The following ALK variants were observed in gnomAD, a reference collection of about 807,000 sequenced individuals.
The protein encoded by ALK is ALK receptor tyrosine kinase.
ALK carries 74 observed loss-of-function variants against 163.1 expected under a neutral mutation model. That is an observed-to-expected ratio of 0.45 (90% CI 0.38 to 0.55). ALK has a LOEUF of 0.55. Among genes scored for constraint, ALK ranks in the 20% least tolerant of loss-of-function variants. The pLI is 0.00. For synonymous variants in ALK, 960 were observed against 843.2 expected (o/e 1.14, Z -2.40); for missense variants, 2,063 against 2,105.3 (o/e 0.98, Z 0.39).
intron 11 of ALK, among the ~76,000 whole-genome samples, chr2:29,261,914 C>A (rs934972980): frequency 1.3e-5 from 2 of 152,126 alleles, no homozygotes; most frequent in African/African-American, 4.8e-5. Context: ...CTTTATGTCA[C>A]AGTTTTGGAA....
chr2:29,743,960 T>G (rs1006665215), intron 1 of ALK, among the ~76,000 whole-genome samples: 1 of 151,798 alleles, frequency 6.6e-6, no homozygotes, highest in African/African-American at 2.4e-5. Context: ...AAAAAAATGC[T>G]TAGACCATGT....
At chr2:29,838,384 A>G (rs4494694) in intron 1 of ALK, among the ~76,000 whole-genome samples, 140,117 of 152,116 alleles carry the variant, frequency 0.92, 64,693 homozygotes, top group East Asian at 1. Flanking sequence ...TGAAACCCAC[A>G]CATGATAAAT....
intron 3 of ALK, among the ~76,000 whole-genome samples, chr2:29,640,618 T>C (rs954349189): frequency 2.6e-5 from 4 of 152,194 alleles, no homozygotes; most frequent in African/African-American, 7.2e-5. Context: ...CCTCTTTTCT[T>C]ATAAATTATC....
At chr2:29,549,158 A>ACACACACG (rs776307804) in intron 3 of ALK, among the ~76,000 whole-genome samples, 1 of 148,806 alleles carries the variant, frequency 6.7e-6, no homozygotes, top group Non-Finnish European at 1.5e-5. Flanking sequence ...ACACACACAC[A>ACACACACG]CACGCACACA....
intron 1 of ALK, among the ~76,000 whole-genome samples, chr2:29,878,801 T>C (rs1223031876): frequency 1.3e-5 from 2 of 152,114 alleles, no homozygotes; most frequent in Non-Finnish European, 2.9e-5. Flanking sequence ...GCATTGTAGT[T>C]GACAGATATG....
rs757648452 is a variant in ALK, at chr2:29,694,906, G to T, written c.896C>A (p.Ser299Tyr). The T allele has an allele frequency of 2.5e-6, 4 of 1,614,006 alleles. No individual in the cohort carries two copies. Among genetic ancestry groups the T allele is most frequent in the Non-Finnish European group, 8.5e-7 (1 of 1,180,008 alleles). Residue 299 changes from serine to tyrosine, a missense_variant, in exon 3 of 29, where the codon TCC (serine) becomes TAC (tyrosine). By Grantham distance (144) the Ser-to-Tyr change is moderately radical. Transcript: ENST00000389048. ...AGGCCCATCCAGCAAGTCCATCTGG[G>T]AGGCCTCCTCGGAGGGGATGCGGCG... ...SWRRIPSEEA[S>Y]QMDLLDGPGA...
intron 1 of ALK, among the ~76,000 whole-genome samples, chr2:29,735,913 A>G (rs893967816): frequency 5.9e-5 from 9 of 152,072 alleles, no homozygotes; most frequent in African/African-American, 2.2e-4. Flanking sequence ...GCAGTTCTTT[A>G]CAGCAGTGTG....
intron 16 of ALK, 65 bp downstream of exon 16, chr2:29,228,819 A>C (rs1664093066): frequency 1.9e-6 from 2 of 1,071,628 alleles, no homozygotes; most frequent in African/African-American, 1.5e-5. Flanking sequence ...AGGGCAGGGC[A>C]GGGAGGTGAG....
chr2:29,514,228 T>C lies in ALK; in HGVS notation c.1154+17687A>G, dbSNP rs568679671. 3.7e-3 allele frequency among the ~76,000 whole-genome samples: 546 copies of C among 147,760 alleles called. 4 individuals carry two copies. Among genetic ancestry groups the C allele is most frequent in the African/African-American group, 0.013 (513 of 39,506 alleles). Reference sequence around the variant, plus strand: ...ATGTTTATTGTGGCACTATTCACAATAGCAAAGACTTGGAACCAACCCAAA... The same window carrying C: ...ATGTTTATTGTGGCACTATTCACAACAGCAAAGACTTGGAACCAACCCAAA... On this transcript the variant is annotated intron_variant, in intron 4 of 28. Coordinates refer to ENST00000389048, the MANE Select transcript of ALK (RefSeq NM_004304.5).
chr2:29,512,162 T>C (rs999368873), intron 4 of ALK, among the ~76,000 whole-genome samples: 3 of 152,350 alleles, frequency 2.0e-5, no homozygotes, highest in Admixed American at 1.3e-4. Context: ...TTCTCTTATG[T>C]TTTATTCCAG....
At chr2:29,443,433 T>C (rs1670595051) in intron 4 of ALK, among the ~76,000 whole-genome samples, 1 of 152,214 alleles carries the variant, frequency 6.6e-6, no homozygotes, top group South Asian at 2.1e-4. Flanking sequence ...GTGCCCCGTA[T>C]GTAAGGCCAA....
Position 29,383,835 on chromosome 2 carries a change from G to A in ALK, c.1179C>T (p.Ile393=), listed in dbSNP as rs371642412. 9.3e-5 allele frequency: 150 copies of A among 1,613,988 alleles called. No homozygotes were observed. Among genetic ancestry groups the A allele is most frequent in the Non-Finnish European group, 1.2e-4 (139 of 1,179,988 alleles). Residue 393 remains isoleucine (I), a synonymous_variant, in exon 5 of 29, where the codon ATC becomes ATT. Transcript: ENST00000389048. ...KHGWTVLQGR[I]GRPDNPFRVA... ...CTCGAAATGGGTTGTCTGGACGCCC[G>A]ATTCTTCCCTGGAGCACTGTCCAAC...
intron 4 of ALK, among the ~76,000 whole-genome samples, chr2:29,408,464 G>T (rs1433660988): frequency 6.6e-6 from 1 of 152,116 alleles, no homozygotes; most frequent in Non-Finnish European, 1.5e-5. Flanking sequence ...GCCCGATGGA[G>T]CTCAGGATAG....
intron 3 of ALK, among the ~76,000 whole-genome samples, chr2:29,599,882 A>G (rs1675334106): frequency 1.3e-5 from 2 of 152,212 alleles, no homozygotes; most frequent in Non-Finnish European, 2.9e-5. Flanking sequence ...GACCACCCTC[A>G]TGAGGCTGGG....
intron 4 of ALK, among the ~76,000 whole-genome samples, chr2:29,427,346 T>C (rs982121056): frequency 1.3e-5 from 2 of 152,076 alleles, no homozygotes; most frequent in Admixed American, 1.3e-4. Flanking sequence ...ATTATAACAA[T>C]GTATTTGTGG....
In ALK at chr2:29,522,282, G is replaced by C. The variant is rs577711969; in HGVS notation, c.1154+9633C>G. Among the ~76,000 whole-genome samples the C allele has an allele frequency of 6.6e-5, 10 of 152,206 alleles. No individual in the cohort carries two copies. In the South Asian group the frequency reaches 2.1e-3, roughly 32 times the overall value. ...CCCACTGTAAAAGTAGTAGTGCTAG[G>C]GCCTCCCTCACCAAGTGGTGGTACA... On this transcript the variant is annotated intron_variant, in intron 4 of 28. Coordinates refer to ENST00000389048, the MANE Select transcript of ALK (RefSeq NM_004304.5).
At chr2:29,889,710 A>T (rs1667092343) in intron 1 of ALK, among the ~76,000 whole-genome samples, 1 of 17,890 alleles carries the variant, frequency 5.6e-5, no homozygotes, top group Non-Finnish European at 1.9e-4. Context: ...AGAGAGAGAG[A>T]GAGAGAGAGA....
intron 3 of ALK, among the ~76,000 whole-genome samples, chr2:29,675,989 G>T (rs919510196): frequency 6.6e-6 from 1 of 152,098 alleles, no homozygotes; most frequent in Non-Finnish European, 1.5e-5. Context: ...GCCTCCCAAA[G>T]TGTTGGGATT....
chr2:29,841,833 C>A (rs765868607), intron 1 of ALK, among the ~76,000 whole-genome samples: 1 of 152,142 alleles, frequency 6.6e-6, no homozygotes. Context: ...CTTATCTGAC[C>A]CTTCTTCATG....
Sources: gnomAD v4.1 joint callset for allele counts (sites outside exome capture counted in the v4.1 genomes callset) on GRCh38, gnomAD v4.1.1 for gene constraint, MANE v1.5 for transcripts, NCBI Gene and HGNC (gene_info 2026-07-23, HGNC 2026-07-21) for gene names.